The following EXOC6B variants were observed in gnomAD, a reference collection of about 807,000 sequenced individuals.
The protein encoded by EXOC6B is exocyst complex component 6B.
A neutral mutation model predicts 113.5 loss-of-function variants in EXOC6B; 54 were observed. The ratio of observed to expected loss-of-function variants is 0.48; its 90% CI spans 0.38 to 0.60. The LOEUF is 0.60. Ranked by LOEUF, EXOC6B falls within the 20% of genes least tolerant of loss-of-function variation. EXOC6B has a pLI of 0.00. For missense variants in EXOC6B, 797 were observed against 977.5 expected, an observed-to-expected ratio of 0.82 and a Z score of 2.46; for synonymous variants, 357 against 339.0, an observed-to-expected ratio of 1.05 and a Z score of -0.58.
At chr2:72,368,911 CT>C in intron 19 of EXOC6B, among the ~76,000 whole-genome samples, 1 of 152,268 alleles carries the variant, frequency 6.6e-6, no homozygotes, top group South Asian at 2.1e-4. Flanking sequence ...CAATATCATA[CT>C]GAATGGGCAA....
chr2:72,796,442 G>C (rs1355346174), intron 1 of EXOC6B, among the ~76,000 whole-genome samples: 1 of 138,210 alleles, frequency 7.2e-6, no homozygotes, highest in African/African-American at 2.7e-5. Context: ...GACAGAGTGA[G>C]ACTCCATCTC....
chr2:72,573,392 T>TGACTGATCA (rs1312642722), intron 7 of EXOC6B, among the ~76,000 whole-genome samples: 7 of 152,204 alleles, frequency 4.6e-5, no homozygotes, highest in Admixed American at 3.9e-4. Flanking sequence ...GCAACTACTG[T>TGACTGATCA]GACTGATCAT....
At chr2:72,406,418 C>G (rs955249276) in intron 18 of EXOC6B, among the ~76,000 whole-genome samples, 1 of 152,106 alleles carries the variant, frequency 6.6e-6, no homozygotes, top group Admixed American at 6.5e-5. Flanking sequence ...CAGCACCACA[C>G]CACACCTATT....
At chr2:72,423,563 A>G (rs1478100388) in intron 18 of EXOC6B, among the ~76,000 whole-genome samples, 1 of 152,236 alleles carries the variant, frequency 6.6e-6, no homozygotes, top group Admixed American at 6.5e-5. Flanking sequence ...ATTGGCAAGT[A>G]ATAATTTTAT....
chr2:72,338,114 C>G (rs1018730273), intron 19 of EXOC6B, among the ~76,000 whole-genome samples: 3 of 152,160 alleles, frequency 2.0e-5, no homozygotes, highest in Non-Finnish European at 4.4e-5. Context: ...TGAGCCCCAG[C>G]TTTCCACTTA....
intron 6 of EXOC6B, among the ~76,000 whole-genome samples, chr2:72,606,515 G>A (rs1573475569): frequency 2.0e-5 from 3 of 152,116 alleles, no homozygotes; most frequent in African/African-American, 7.2e-5. Context: ...AATCACTTGA[G>A]GACAGGAGTT....
intron 6 of EXOC6B, among the ~76,000 whole-genome samples, chr2:72,604,264 A>C (rs1391955015): frequency 6.6e-6 from 1 of 152,144 alleles, no homozygotes; most frequent in Non-Finnish European, 1.5e-5. Flanking sequence ...CATTATTCAC[A>C]ATCTTAAACC....
intron 20 of EXOC6B, among the ~76,000 whole-genome samples, chr2:72,217,202 T>G (rs1409465778): frequency 6.6e-6 from 1 of 152,104 alleles, no homozygotes; most frequent in African/African-American, 2.4e-5. Flanking sequence ...AGGCCAGCCC[T>G]GATAATACCA....
chr2:72,310,825 G>A (rs1328991019), intron 20 of EXOC6B, among the ~76,000 whole-genome samples: 1 of 147,834 alleles, frequency 6.8e-6, no homozygotes, highest in Non-Finnish European at 1.5e-5. Flanking sequence ...CATATGCCAG[G>A]CATTTTACAT....
At chr2:72,563,398 A>G (rs1414506694) in intron 7 of EXOC6B, among the ~76,000 whole-genome samples, 1 of 152,134 alleles carries the variant, frequency 6.6e-6, no homozygotes, top group Non-Finnish European at 1.5e-5. Flanking sequence ...TATAATACCA[A>G]TTAACAGCTT....
chr2:72,523,263 T>C (rs1249663607), intron 8 of EXOC6B, among the ~76,000 whole-genome samples: 1 of 152,182 alleles, frequency 6.6e-6, no homozygotes, highest in Non-Finnish European at 1.5e-5. Flanking sequence ...ATGAAACACC[T>C]TTCCAAGGAT....
At chr2:72,301,863 T>C (rs780352828) in intron 20 of EXOC6B, among the ~76,000 whole-genome samples, 5 of 152,196 alleles carry the variant, frequency 3.3e-5, no homozygotes, top group Non-Finnish European at 7.4e-5. Flanking sequence ...ATTTTGGTTA[T>C]TTCTTGTCTT....
intron 1 of EXOC6B, among the ~76,000 whole-genome samples, chr2:72,821,370 G>A (rs1673409760): frequency 6.6e-6 from 1 of 152,110 alleles, no homozygotes; most frequent in African/African-American, 2.4e-5. Flanking sequence ...CATTGCTACA[G>A]GAATGTAAAA....
At chr2:72,197,702 G>A (rs1411695212) in intron 20 of EXOC6B, among the ~76,000 whole-genome samples, 1 of 152,108 alleles carries the variant, frequency 6.6e-6, no homozygotes, top group Non-Finnish European at 1.5e-5. Flanking sequence ...GGATTTGAAG[G>A]CTGACTGAAT....
At chr2:72,300,239 A>G (rs1345746428) in intron 20 of EXOC6B, among the ~76,000 whole-genome samples, 1 of 152,062 alleles carries the variant, frequency 6.6e-6, no homozygotes, top group East Asian at 1.9e-4. Flanking sequence ...TGGAATCTAG[A>G]GAGGCAGTCT....
At chr2:72,636,290 A>G (rs1290995889) in intron 6 of EXOC6B, among the ~76,000 whole-genome samples, 1 of 140,000 alleles carries the variant, frequency 7.1e-6, no homozygotes, top group Non-Finnish European at 1.6e-5. Context: ...AAATGGAGGG[A>G]AGAAGGCAGG....
At chr2:72,517,816 T>C (rs761933165) in intron 8 of EXOC6B, among the ~76,000 whole-genome samples, 3 of 152,166 alleles carry the variant, frequency 2.0e-5, no homozygotes, top group African/African-American at 4.8e-5. Context: ...TTATAAATGA[T>C]AGAAAATACA....
intron 20 of EXOC6B, among the ~76,000 whole-genome samples, chr2:72,321,956 G>C (rs1356806089): frequency 5.9e-5 from 9 of 152,052 alleles, no homozygotes; most frequent in Admixed American, 1.3e-4. Context: ...GAAACAACTG[G>C]TATGCTCATC....
intron 11 of EXOC6B, among the ~76,000 whole-genome samples, chr2:72,505,835 T>G (rs1700567896): frequency 6.6e-6 from 1 of 152,124 alleles, no homozygotes; most frequent in Admixed American, 6.5e-5. Context: ...ACTAAGAAAT[T>G]TTACCATAAG....
Sources: allele counts gnomAD v4.1 joint callset (sites outside exome capture counted in the v4.1 genomes callset), GRCh38; gene constraint gnomAD v4.1.1; transcripts MANE v1.5; gene names NCBI Gene and HGNC (gene_info 2026-07-23, HGNC 2026-07-21).